ZNF676: variants seen among roughly 807,000 people sequenced by gnomAD.
ZNF676 encodes zinc finger protein 676.
Under a neutral mutation model 6.0 loss-of-function variants are expected in ZNF676, and 4 were observed. That is an observed-to-expected ratio of 0.67 (90% CI 0.33 to 1.53). The LOEUF (loss-of-function observed/expected upper bound fraction) is 1.53. Ranked by LOEUF, ZNF676 falls within the 40% of genes most tolerant of loss-of-function variation. ZNF676 has a pLI of 0.06. For missense variants in ZNF676, 644 were observed against 679.7 expected, an observed-to-expected ratio of 0.95 and a Z score of 0.58; for synonymous variants, 198 against 223.1, an observed-to-expected ratio of 0.89 and a Z score of 1.00.
chr19:22,254,425 C>T, the ZNF676 span, among the ~76,000 whole-genome samples: 193 of 152,250 alleles, frequency 1.3e-3, 1 homozygote, highest in African/African-American at 4.4e-3. Flanking sequence ...CCCTCATGGG[C>T]AGGGCACAGG....
rs569909727 is a variant in ZNF676 at position 22,194,697 on chromosome 19, G to A, written c.35-1586C>T. Among the ~76,000 whole-genome samples the A allele has an allele frequency of 5.3e-5, 8 of 152,084 alleles. No homozygotes were observed. In the South Asian group the frequency reaches 1.0e-3, roughly 20 times the overall value. ...GGACATCATTGGGCGAATCAGTGCCGCTCAAAATTTCATCATAATAACACC... is the reference window on the plus strand; with the variant it reads ...GGACATCATTGGGCGAATCAGTGCCACTCAAAATTTCATCATAATAACACC... On this transcript the variant is annotated intron_variant, in intron 1 of 2. Coordinates refer to ENST00000397121, the MANE Select transcript of ZNF676 (RefSeq NM_001001411.3).
At chr19:22,217,878 A>G (rs2024210033), upstream of ZNF676, among the ~76,000 whole-genome samples, 1 of 151,452 alleles carries the variant, frequency 6.6e-6, no homozygotes, top group South Asian at 2.1e-4. Flanking sequence ...TAATTTTTGT[A>G]TTTTTAGTAG....
At chr19:22,218,888 T>C (rs1356573656), upstream of ZNF676, among the ~76,000 whole-genome samples, 1 of 152,074 alleles carries the variant, frequency 6.6e-6, no homozygotes, top group African/African-American at 2.4e-5. Flanking sequence ...TGAAGTCAGA[T>C]AACGTGATGT....
chr19:22,228,632 A>G, the ZNF676 span, among the ~76,000 whole-genome samples: 2 of 152,204 alleles, frequency 1.3e-5, no homozygotes, highest in Non-Finnish European at 2.9e-5. Flanking sequence ...AAATCTCCTT[A>G]AGCTGATAAG....
At position 22,196,748 on chromosome 19, in the gene ZNF676, A is replaced by G. The variant is rs2023971686; in HGVS notation, c.-115T>C. 1 of 1,580,428 alleles carries G rather than the reference A, an allele frequency of 6.3e-7. No homozygotes were observed. The highest frequency in any genetic ancestry group is 8.7e-7 in the Non-Finnish European group (1 of 1,152,010). On this transcript the variant is annotated 5_prime_UTR_variant, in exon 1 of 3. The change abolishes an upstream ATG in the 5' untranslated region. Transcript: ENST00000397121. ...CTCCCTGGAAAACACACACAAACAC[A>G]TATATTTACCAATTGGTCATGGGCA... is the stretch of plus-strand genomic sequence containing the variant.
the ZNF676 span, among the ~76,000 whole-genome samples, chr19:22,253,366 G>GTATATATA: frequency 1.6e-4 from 10 of 63,694 alleles, no homozygotes; most frequent in Admixed American, 6.9e-4. Context: ...GTGTGTGTGT[G>GTATATATA]TGTGTGTATA....
the ZNF676 span, chr19:22,245,131 A>C: frequency 6.6e-6 from 1 of 152,004 alleles, no homozygotes; most frequent in African/African-American, 2.4e-5. Context: ...TAATATGTCA[A>C]AATTCCCTTG....
the ZNF676 span, among the ~76,000 whole-genome samples, chr19:22,253,354 GT>G: frequency 1.6e-4 from 4 of 25,216 alleles, no homozygotes; most frequent in Non-Finnish European, 4.5e-4. Flanking sequence ...ATGATAATGG[GT>G]GTGTGTGTGT....
upstream of ZNF676, among the ~76,000 whole-genome samples, chr19:22,200,254 TATA>T (rs1030618850): frequency 2.6e-5 from 4 of 152,124 alleles, no homozygotes; most frequent in Non-Finnish European, 4.4e-5. Flanking sequence ...TAAGGTTTTC[TATA>T]ATAATTTTTT....
chr19:22,179,257 G>C lies in ZNF676; in HGVS notation c.*693C>G, dbSNP rs558542255. On this transcript the variant is annotated 3_prime_UTR_variant, in exon 3 of 3. Coordinates refer to ENST00000397121, the MANE Select transcript of ZNF676 (RefSeq NM_001001411.3). The stretch of plus-strand genomic sequence containing the variant: ...AGAAAAGTCTGAGGTGTTGCCAAAA[G>C]CATTGTCACATCTTTCAGGTTTGTA... 17 of 159,350 alleles carry C rather than the reference G, an allele frequency of 1.1e-4. No homozygotes were observed. The highest frequency in any genetic ancestry group is 4.1e-4 in the African/African-American group (17 of 41,586). The allele number at this position is 159,350 out of a possible 1,614,324, so 9.9% of individuals were successfully genotyped here.
intron 1 of ZNF676, among the ~76,000 whole-genome samples, chr19:22,206,863 A>G (rs1212107668): frequency 6.6e-6 from 1 of 152,212 alleles, no homozygotes; most frequent in South Asian, 2.1e-4. Flanking sequence ...TTATCTCAAT[A>G]GATGCACAAA....
chr19:22,253,419 ATAATG>A, the ZNF676 span, among the ~76,000 whole-genome samples: 4 of 54,866 alleles, frequency 7.3e-5, no homozygotes, highest in South Asian at 9.3e-4. Flanking sequence ...TATATATATG[ATAATG>A]TATATATATA....
In ZNF676 at chr19:22,181,632, G is replaced by A. The variant is rs1568525439; in HGVS notation, c.131-46C>T. ...CAAATTAATCTACATATTAGACTCA[G>A]ATAAGTACAGTTTCCAAATCTAACC... On this transcript the variant is annotated intron_variant, in intron 2 of 2. Coordinates refer to ENST00000397121, the MANE Select transcript of ZNF676 (RefSeq NM_001001411.3). The A allele has an allele frequency of 2.2e-6, 3 of 1,390,310 alleles. No homozygotes were observed. The South Asian group carries it at 4.7e-5, about 22-fold the overall frequency. The allele number at this position is 1,390,310 out of a possible 1,614,324, so 86.1% of individuals were successfully genotyped here. A position where few individuals can be genotyped will look rare whatever the true frequency, so the allele number is the denominator to read the frequency against.
At chr19:22,242,024 C>T in the ZNF676 span, among the ~76,000 whole-genome samples, 226 of 151,966 alleles carry the variant, frequency 1.5e-3, no homozygotes, top group Non-Finnish European at 2.9e-3. Context: ...GGGCTTTATA[C>T]AGTATGTGAG....
the ZNF676 span, among the ~76,000 whole-genome samples, chr19:22,226,781 T>G: frequency 2.6e-5 from 4 of 152,074 alleles, no homozygotes; most frequent in African/African-American, 9.7e-5. Flanking sequence ...GTATTTTTAG[T>G]AGAGACGAGG....
rs548259994 is a variant in ZNF676 at position 22,186,828 on chromosome 19, GCTAA to G, written c.131-5246_131-5243del. 1.7e-3 allele frequency among the ~76,000 whole-genome samples: 255 copies of G among 152,260 alleles called. 7 individuals are homozygous for G. In the South Asian group the frequency reaches 0.05, roughly 30 times the overall value. On this transcript the variant is annotated intron_variant, in intron 2 of 2. Coordinates refer to ENST00000397121, the MANE Select transcript of ZNF676 (RefSeq NM_001001411.3). ...TAAAAGGATCAATGCAACAAGAAGA[GCTAA>G]CTATCGTAAATATATATGCGCCCAA... is the stretch of plus-strand genomic sequence containing the variant.
chr19:22,209,485 ACT>A (rs1249837525), intron 1 of ZNF676, among the ~76,000 whole-genome samples: 1 of 152,108 alleles, frequency 6.6e-6, no homozygotes, highest in Non-Finnish European at 1.5e-5. Context: ...GAAAAAAGAC[ACT>A]GAGGCCTAGT....
intron 1 of ZNF676, among the ~76,000 whole-genome samples, chr19:22,193,423 T>C (rs1462980480): frequency 1.3e-5 from 2 of 152,034 alleles, no homozygotes; most frequent in Non-Finnish European, 2.9e-5. Context: ...TTGAAATGGG[T>C]TCGTCAAAAA....
chr19:22,258,057 C>T, the ZNF676 span, among the ~76,000 whole-genome samples: 55 of 152,068 alleles, frequency 3.6e-4, no homozygotes, highest in Non-Finnish European at 6.8e-4. Context: ...GTGATGAAAT[C>T]AGAAATATGT....
Sources: allele counts gnomAD v4.1 joint callset (sites outside exome capture counted in the v4.1 genomes callset), GRCh38; gene constraint gnomAD v4.1.1; transcripts MANE v1.5; gene names NCBI Gene and HGNC (gene_info 2026-07-23, HGNC 2026-07-21).